The following SCRG1 variants were observed in gnomAD, a reference collection of about 807,000 sequenced individuals.
SCRG1 encodes the protein stimulator of chondrogenesis 1, also known as scrapie-responsive protein 1.
SCRG1 carries 3 observed loss-of-function variants against 7.7 expected under a neutral mutation model. The ratio of observed to expected loss-of-function variants is 0.39; its 90% CI spans 0.18 to 1.01. SCRG1 has a LOEUF of 1.01. Among genes scored for constraint, SCRG1 ranks in the 50% least tolerant of loss-of-function variants. The pLI is 0.36. For synonymous variants in SCRG1, 46 were observed against 41.2 expected, an observed-to-expected ratio of 1.12 and a Z score of -0.44; for missense variants, 110 against 117.2, an observed-to-expected ratio of 0.94 and a Z score of 0.28.
the SCRG1 span, among the ~76,000 whole-genome samples, chr4:173,466,482 A>G: frequency 2.6e-5 from 4 of 152,016 alleles, no homozygotes; most frequent in Non-Finnish European, 5.9e-5. Flanking sequence ...TTAGGATTGA[A>G]ACCTCATACA....
upstream of SCRG1, among the ~76,000 whole-genome samples, chr4:173,409,421 A>C (rs915068970): frequency 6.6e-6 from 1 of 151,800 alleles, no homozygotes; most frequent in African/African-American, 2.4e-5. Context: ...TTTCATCTTT[A>C]TCTCTCTTTC....
the SCRG1 span, among the ~76,000 whole-genome samples, chr4:173,485,978 C>A: frequency 0.041 from 6,229 of 151,104 alleles, 442 homozygotes; most frequent in African/African-American, 0.14. Context: ...TCAAAAACAA[C>A]AAAAAAAATT....
rs915884630 is a variant in SCRG1 at position 173,386,391 on chromosome 4, G to A, written c.*1950C>T. On this transcript the variant is annotated 3_prime_UTR_variant, in exon 3 of 3. Transcript: ENST00000296506. ...TCTTGATCTCCTGACCTCGTGATAA[G>A]CCCGCCTCCGCCTCCCAAAGTGCTG... The A allele has an allele frequency of 6.7e-6, 1 of 149,648 alleles. No individual in the cohort carries two copies. Among genetic ancestry groups the A allele is most frequent in the Non-Finnish European group, 1.5e-5 (1 of 67,780 alleles). 9.3% of individuals were successfully genotyped at this position (149,648 alleles called of 1,614,324 possible). A position where few individuals can be genotyped will look rare whatever the true frequency, so the allele number is the denominator to read the frequency against.
At chr4:173,421,323 T>A in the SCRG1 span, among the ~76,000 whole-genome samples, 1 of 152,154 alleles carries the variant, frequency 6.6e-6, no homozygotes, top group Non-Finnish European at 1.5e-5. Flanking sequence ...CATCTAGAAC[T>A]TAGTAGAAGC....
the SCRG1 span, among the ~76,000 whole-genome samples, chr4:173,453,541 C>T: frequency 6.6e-6 from 1 of 152,174 alleles, no homozygotes; most frequent in African/African-American, 2.4e-5. Flanking sequence ...CAAACCTGTA[C>T]AACATGTCAC....
the SCRG1 span, among the ~76,000 whole-genome samples, chr4:173,464,486 C>G: frequency 1.1e-4 from 17 of 152,038 alleles, no homozygotes; most frequent in African/African-American, 4.1e-4. Context: ...AGAATAGTAC[C>G]CTTATATTGT....
the SCRG1 span, among the ~76,000 whole-genome samples, chr4:173,449,192 A>T: frequency 6.6e-6 from 1 of 152,210 alleles, no homozygotes; most frequent in African/African-American, 2.4e-5. Flanking sequence ...GAGGTGGGTG[A>T]TCTAATACAA....
the SCRG1 span, among the ~76,000 whole-genome samples, chr4:173,474,197 T>G: frequency 6.6e-6 from 1 of 152,138 alleles, no homozygotes; most frequent in African/African-American, 2.4e-5. Context: ...TAAAATTCAA[T>G]TATTACATAT....
At chr4:173,389,428 C>T (rs1415505573) in intron 2 of SCRG1, among the ~76,000 whole-genome samples, 1 of 152,010 alleles carries the variant, frequency 6.6e-6, no homozygotes, top group African/African-American at 2.4e-5. Context: ...CCCAGCTACT[C>T]GAGAGGCTGA....
At chr4:173,501,710 G>A in the SCRG1 span, among the ~76,000 whole-genome samples, 6 of 152,284 alleles carry the variant, frequency 3.9e-5, no homozygotes, top group African/African-American at 1.4e-4. This position sits in a 1 kb window ranked among gnomAD's most constrained non-coding sequence, Gnocchi z 5.1. Flanking sequence ...CGGGCTCCCT[G>A]GATGCAGAGG....
At chr4:173,418,822 C>T in the SCRG1 span, among the ~76,000 whole-genome samples, 2 of 152,132 alleles carry the variant, frequency 1.3e-5, no homozygotes, top group African/African-American at 4.8e-5. Context: ...ACACTTCCCC[C>T]TTCACTCTCT....
At chr4:173,484,727 G>GTATATAATACATATTATATATTATATA in the SCRG1 span, among the ~76,000 whole-genome samples, 1 of 84,174 alleles carries the variant, frequency 1.2e-5, no homozygotes, top group African/African-American at 5.8e-5. Context: ...TATATTATAT[G>GTATATAATACATATTATATATTATATA]CATATAATAC....
the SCRG1 span, among the ~76,000 whole-genome samples, chr4:173,416,368 C>T: frequency 0.021 from 3,266 of 152,362 alleles, 102 homozygotes; most frequent in African/African-American, 0.07. Flanking sequence ...CCAGCCACTC[C>T]TTGTGCCCAT....
chr4:173,488,650 T>A, the SCRG1 span, among the ~76,000 whole-genome samples: 1 of 152,180 alleles, frequency 6.6e-6, no homozygotes, highest in Non-Finnish European at 1.5e-5. Context: ...CTACAACTGC[T>A]TTCAATCAAG....
chr4:173,511,562 C>A, the SCRG1 span, among the ~76,000 whole-genome samples: 5 of 152,234 alleles, frequency 3.3e-5, no homozygotes, highest in Admixed American at 6.5e-5. This position sits in a 1 kb window ranked among gnomAD's most constrained non-coding sequence, Gnocchi z 5.2. Context: ...AACCCCCTCA[C>A]CCCCAATTTC....
At chr4:173,512,595 G>A in the SCRG1 span, among the ~76,000 whole-genome samples, 1 of 152,214 alleles carries the variant, frequency 6.6e-6, no homozygotes, top group Admixed American at 6.5e-5. Context: ...GCATGGGTTT[G>A]ATTCAACTTA....
At chr4:173,486,293 CAGTT>C in the SCRG1 span, among the ~76,000 whole-genome samples, 1 of 152,128 alleles carries the variant, frequency 6.6e-6, no homozygotes, top group East Asian at 1.9e-4. Flanking sequence ...TTATTTATGA[CAGTT>C]AGAATCTGCT....
chr4:173,418,470 C>T, the SCRG1 span, among the ~76,000 whole-genome samples: 1 of 152,154 alleles, frequency 6.6e-6, no homozygotes, highest in Non-Finnish European at 1.5e-5. Context: ...AACCTGCAGC[C>T]CTCATGAAAC....
At chr4:173,419,408 T>C in the SCRG1 span, 1 of 1,213,554 alleles carries the variant, frequency 8.2e-7, no homozygotes, top group Non-Finnish European at 1.2e-6. Flanking sequence ...TACAGCAGCA[T>C]GAGCTTTCTT....
Sources: gnomAD v4.1 joint callset for allele counts (sites outside exome capture counted in the v4.1 genomes callset) on GRCh38, gnomAD v4.1.1 for gene constraint, Gnocchi (gnomAD v3.1) non-coding constraint, MANE v1.5 for transcripts, NCBI Gene and HGNC (gene_info 2026-07-23, HGNC 2026-07-21) for gene names.